BCL2L13: variants seen among roughly 807,000 people sequenced by gnomAD.
BCL2L13 encodes the protein BCL2 like 13.
In BCL2L13, 13 loss-of-function variants were observed where a neutral mutation model predicts 25.8. The ratio of observed to expected loss-of-function variants is 0.50; its 90% confidence interval spans 0.33 to 0.80. The LOEUF is 0.80. Among genes scored for constraint, BCL2L13 ranks in the 30% least tolerant of loss-of-function variants. The pLI is 0.02. For missense variants in BCL2L13, 504 were observed against 574.9 expected (o/e 0.88, Z 1.26); for synonymous variants, 244 against 230.3 (o/e 1.06, Z -0.54).
intron 1 of BCL2L13, among the ~76,000 whole-genome samples, chr22:17,650,997 T>TC (rs2058664840): frequency 1.4e-5 from 2 of 146,964 alleles, no homozygotes; most frequent in South Asian, 4.5e-4. Context: ...ACTCCTTTTT[T>TC]TTTTTTTTTT....
In BCL2L13 at chr22:17,632,877, C is replaced by T. The variant is rs895546358; in HGVS notation, c.-650+3872C>T. ...CAAGCAATTCTCCTGCCTCAGCCTC[C>T]CGAGTAGCTGAGACTACAGGCATGT... On this transcript the variant is annotated intron_variant, in intron 1 of 6. Transcript: ENST00000399782. Among the ~76,000 whole-genome samples, 50 of 151,862 alleles carry T rather than the reference C, an allele frequency of 3.3e-4. 1 individual carries two copies. Among genetic ancestry groups the T allele is most frequent in the African/African-American group, 1.0e-3 (43 of 41,410 alleles).
intron 4 of BCL2L13, 149 bp from the exon 5 acceptor site, chr22:17,695,992 G>T: frequency 6.0e-6 from 3 of 502,238 alleles, no homozygotes; most frequent in Non-Finnish European, 1.1e-5. Context: ...ATACTAGTGT[G>T]AAAAGCCACG....
chr22:17,639,019 T>G, intron 1 of BCL2L13, 133 bp downstream of exon 1: 1 of 712,864 alleles, frequency 1.4e-6, no homozygotes, highest in Non-Finnish European at 1.9e-6. Context: ...TTTGAGTGTG[T>G]GTGTCTACAC....
intron 4 of BCL2L13, 94 bp downstream of exon 4, chr22:17,689,236 C>T (rs1252629397): frequency 2.9e-5 from 31 of 1,069,000 alleles, no homozygotes; most frequent in Non-Finnish European, 3.8e-5. Flanking sequence ...TTTAGGTGAA[C>T]AGTGTCACTT....
chr22:17,659,055 C>CT lies in BCL2L13; in HGVS notation c.121+3224dup, dbSNP rs1193241469. On this transcript the variant is annotated intron_variant, in intron 2 of 6. Transcript: ENST00000317582. ...CCTGGACGACAGAGCAAGACTCCAT[C>CT]TAAAAAAAAAAAAAAAAAAAAAAAA... Among the ~76,000 whole-genome samples, 25 of 41,504 alleles carry CT rather than the reference C, an allele frequency of 6.0e-4. 2 individuals are homozygous for CT. Among genetic ancestry groups the CT allele is most frequent in the Non-Finnish European group, 8.3e-4 (19 of 22,884 alleles). The allele number at this position is 41,504 out of a possible 152,430, so 27.2% of individuals were successfully genotyped here.
chr22:17,636,996 G>A (rs1237274988), upstream of BCL2L13, among the ~76,000 whole-genome samples: 1 of 152,184 alleles, frequency 6.6e-6, no homozygotes, highest in East Asian at 1.9e-4. Context: ...ATTAGGGCCG[G>A]GCGCGGTGGC....
intron 2 of BCL2L13, among the ~76,000 whole-genome samples, chr22:17,671,612 A>G (rs554892833): frequency 9.3e-4 from 141 of 150,878 alleles, no homozygotes; most frequent in Middle Eastern, 3.4e-3. Context: ...TTTTTTTTGT[A>G]GAGACATTTG....
At chr22:17,651,341 T>TAG (rs1248769854) in intron 1 of BCL2L13, among the ~76,000 whole-genome samples, 1 of 150,918 alleles carries the variant, frequency 6.6e-6, no homozygotes, top group African/African-American at 2.4e-5. Flanking sequence ...ACAGAATACT[T>TAG]AGAATTTTGT....
chr22:17,704,494 G>C (rs1265528462), intron 6 of BCL2L13, among the ~76,000 whole-genome samples: 2 of 152,016 alleles, frequency 1.3e-5, no homozygotes, highest in Admixed American at 6.6e-5. Context: ...TAAGATATTA[G>C]GCCGGGTGCA....
chr22:17,724,051 T>C (rs894092978), intron 6 of BCL2L13, among the ~76,000 whole-genome samples: 4 of 152,050 alleles, frequency 2.6e-5, no homozygotes, highest in Non-Finnish European at 5.9e-5. Context: ...GGTGGGAGAA[T>C]TGCTTGAAGC....
chr22:17,728,055 TC>T lies in BCL2L13; in HGVS notation c.*522del. On this transcript the variant is annotated 3_prime_UTR_variant, in exon 7 of 7. Coordinates refer to ENST00000317582, the MANE Select transcript of BCL2L13 (RefSeq NM_015367.4). ...GCTGTGGGCTCCTCAGCTACTGACT[TC>T]TTAGCTCTTAATCCCCTTAGAATTT... 1 of 161,882 alleles carries T rather than the reference TC, an allele frequency of 6.2e-6. No homozygotes were observed. The highest frequency in any genetic ancestry group is 5.7e-5 in the Admixed American group (1 of 17,628). 10.0% of individuals were successfully genotyped at this position (161,882 alleles called of 1,614,324 possible). A position where few individuals can be genotyped will look rare whatever the true frequency, so the allele number is the denominator to read the frequency against.
chr22:17,648,002 C>A (rs558744617), intron 1 of BCL2L13, among the ~76,000 whole-genome samples: 37 of 152,106 alleles, frequency 2.4e-4, no homozygotes, highest in Non-Finnish European at 4.9e-4. Context: ...TGGTGGCACA[C>A]CCCTGTAGTC....
At chr22:17,712,661 C>T (rs1262787658) in intron 6 of BCL2L13, among the ~76,000 whole-genome samples, 1 of 152,066 alleles carries the variant, frequency 6.6e-6, no homozygotes, top group African/African-American at 2.4e-5. Context: ...ATGACTCATT[C>T]GGATTATGTT....
chr22:17,707,775 A>G (rs969892693), intron 6 of BCL2L13, among the ~76,000 whole-genome samples: 11 of 152,208 alleles, frequency 7.2e-5, no homozygotes. Flanking sequence ...AAGCTTCTTC[A>G]GATGGAAAAG....
intron 1 of BCL2L13, among the ~76,000 whole-genome samples, chr22:17,646,932 C>T (rs1409187507): frequency 1.5e-4 from 5 of 32,452 alleles, no homozygotes; most frequent in Admixed American, 7.4e-4. Flanking sequence ...GTATAAACTA[C>T]ATATATATAT....
At chr22:17,689,583 G>A (rs1278689315) in intron 4 of BCL2L13, among the ~76,000 whole-genome samples, 10 of 152,128 alleles carry the variant, frequency 6.6e-5, no homozygotes, top group African/African-American at 2.2e-4. Context: ...GGTGGCTCAC[G>A]CCTGTAATCC....
At position 17,660,889 on chromosome 22, in the gene BCL2L13, A is replaced by G. The variant is rs889694328; in HGVS notation, c.121+5057A>G. Among the ~76,000 whole-genome samples, 13 of 145,526 alleles carry G rather than the reference A, an allele frequency of 8.9e-5. No individual in the cohort carries two copies. The East Asian group carries it at 1.4e-3, about 15-fold the overall frequency. On this transcript the variant is annotated intron_variant, in intron 2 of 6. Transcript: ENST00000317582. ...AACCTCCACCTCCTGGGTTCAAGCA[A>G]TTCTCCTGCCTCAGCCTCCCAAGTA...
At chr22:17,716,596 T>C (rs1421031032) in intron 6 of BCL2L13, among the ~76,000 whole-genome samples, 2 of 152,202 alleles carry the variant, frequency 1.3e-5, no homozygotes, top group Non-Finnish European at 2.9e-5. Flanking sequence ...TTCACTGTGC[T>C]GTAGCCTTTC....
chr22:17,669,797 A>G (rs1359572346), intron 2 of BCL2L13, among the ~76,000 whole-genome samples: 1 of 152,192 alleles, frequency 6.6e-6, no homozygotes, highest in Non-Finnish European at 1.5e-5. Context: ...ACACATTAGC[A>G]TGCTCAGCCC....
Sources: gnomAD v4.1 joint callset for allele counts (sites outside exome capture counted in the v4.1 genomes callset) on GRCh38, gnomAD v4.1.1 for gene constraint, MANE v1.5 for transcripts, NCBI Gene and HGNC (gene_info 2026-07-23, HGNC 2026-07-21) for gene names.